SPATA17: variants seen among roughly 807,000 people sequenced by gnomAD.
SPATA17 encodes the protein spermatogenesis associated 17, also known as spermatogenesis-associated protein 17.
In SPATA17, 53 loss-of-function variants were observed where a neutral mutation model predicts 62.2. The observed-to-expected ratio is 0.85, with a 90% CI of 0.68 to 1.07. SPATA17 has a LOEUF of 1.07. SPATA17 is among the 50% of genes least tolerant of loss of function. The probability of loss-of-function intolerance (pLI) is 0.00; values close to 1 mark genes in which losing one functional copy is unlikely to be tolerated. For synonymous variants in SPATA17, 146 were observed against 146.8 expected, an observed-to-expected ratio of 0.99 and a Z score of 0.04; for missense variants, 466 against 425.5, an observed-to-expected ratio of 1.10 and a Z score of -0.84.
chr1:217,861,605 TG>T (rs1007795937), intron 9 of SPATA17, among the ~76,000 whole-genome samples: 3 of 152,132 alleles, frequency 2.0e-5, no homozygotes, highest in Admixed American at 6.6e-5. Context: ...CCTCCAGAAT[TG>T]TAATTTGTAA....
At chr1:217,658,218 G>C (rs1327968275) in intron 3 of SPATA17, among the ~76,000 whole-genome samples, 1 of 152,158 alleles carries the variant, frequency 6.6e-6, no homozygotes, top group Non-Finnish European at 1.5e-5. Context: ...GGTCATGGGG[G>C]AGGATCCCTC....
chr1:217,637,834 T>C (rs1170165091), intron 1 of SPATA17, among the ~76,000 whole-genome samples: 3 of 152,206 alleles, frequency 2.0e-5, no homozygotes, highest in Non-Finnish European at 4.4e-5. Flanking sequence ...AGGAAGATTT[T>C]TGCCAAAGTG....
intron 3 of SPATA17, among the ~76,000 whole-genome samples, chr1:217,666,528 T>G (rs1670700581): frequency 6.7e-6 from 1 of 148,328 alleles, no homozygotes; most frequent in African/African-American, 2.6e-5. Context: ...TTACATGTGT[T>G]TTTTTTTTTA....
chr1:217,766,993 T>C (rs1309479226), intron 6 of SPATA17, among the ~76,000 whole-genome samples: 2 of 152,160 alleles, frequency 1.3e-5, no homozygotes, highest in Non-Finnish European at 2.9e-5. Flanking sequence ...GTGAAAACAC[T>C]GTGATATTTC....
chr1:217,832,480 G>T (rs1227911537), intron 9 of SPATA17, among the ~76,000 whole-genome samples: 2 of 152,062 alleles, frequency 1.3e-5, no homozygotes, highest in Non-Finnish European at 2.9e-5. Flanking sequence ...ACATTAATTT[G>T]TCAGATTGGG....
intron 6 of SPATA17, among the ~76,000 whole-genome samples, chr1:217,767,429 A>G (rs758318068): frequency 6.6e-6 from 1 of 152,174 alleles, no homozygotes; most frequent in Admixed American, 6.5e-5. Context: ...GTAAATTCCC[A>G]GTCTTTCTTG....
intron 6 of SPATA17, among the ~76,000 whole-genome samples, chr1:217,755,803 ATCTGTATTGGTC>A (rs1673027890): frequency 6.6e-6 from 1 of 151,978 alleles, no homozygotes; most frequent in Admixed American, 6.6e-5. Context: ...ACTTACGATC[ATCTGTATTGGTC>A]TTAAACTCAC....
intron 5 of SPATA17, among the ~76,000 whole-genome samples, chr1:217,730,219 ATT>A (rs200764601): frequency 2.1e-4 from 30 of 142,058 alleles, no homozygotes; most frequent in African/African-American, 3.9e-4. Flanking sequence ...CAGTAAAGTG[ATT>A]TTTTTTTTTT....
chr1:217,762,751 C>G (rs1673201477), intron 6 of SPATA17, among the ~76,000 whole-genome samples: 1 of 152,194 alleles, frequency 6.6e-6, no homozygotes, highest in Non-Finnish European at 1.5e-5. Flanking sequence ...GCAGGCAGAT[C>G]ACCTGAGGTC....
At chr1:217,801,883 C>CGGCCGGGCGCGG in intron 9 of SPATA17, 33 bp downstream of exon 9, 1 of 1,570,018 alleles carries the variant, frequency 6.4e-7, no homozygotes. Context: ...AAAGTTATTC[C>CGGCCGGGCGCGG]TTTTTAAAAG....
At chr1:217,678,043 C>T (rs1305583913) in intron 4 of SPATA17, among the ~76,000 whole-genome samples, 2 of 151,948 alleles carry the variant, frequency 1.3e-5, no homozygotes, top group Non-Finnish European at 2.9e-5. Context: ...CATTTCTGTG[C>T]TCACTGTACA....
intron 5 of SPATA17, among the ~76,000 whole-genome samples, chr1:217,735,515 G>A (rs1188852303): frequency 6.6e-6 from 1 of 152,156 alleles, no homozygotes; most frequent in African/African-American, 2.4e-5. Flanking sequence ...GGGGGAACTC[G>A]AATATTCAGC....
At chr1:217,753,015 G>T (rs1039426668) in intron 6 of SPATA17, among the ~76,000 whole-genome samples, 1 of 152,120 alleles carries the variant, frequency 6.6e-6, no homozygotes, top group African/African-American at 2.4e-5. Context: ...CTTTTTCATA[G>T]CCTGATCTGA....
Position 217,742,076 on chromosome 1 carries a change from A to T in SPATA17, c.497A>T (p.His166Leu). 6.2e-7 allele frequency: 1 copy of T among 1,614,176 alleles called. No homozygotes were observed. Among genetic ancestry groups the T allele is most frequent in the Non-Finnish European group, 8.5e-7 (1 of 1,180,020 alleles). Residue 166 changes from histidine to leucine, a missense_variant, in exon 6 of 11, where the codon CAT becomes CTT. His to Leu is a moderately conservative substitution (Grantham distance 99, BLOSUM62 -3). Coordinates refer to ENST00000366933, the MANE Select transcript of SPATA17 (RefSeq NM_138796.4). ...KKRDYQARKMHYLLSTKQIPG... is the reference protein window; with the variant it reads ...KKRDYQARKMLYLLSTKQIPG... ...AGAGATTACCAAGCCCGAAAGATGCATTACCTCCTCAGCACAAAGCAGGTT... is the reference window on the plus strand; with the variant it reads ...AGAGATTACCAAGCCCGAAAGATGCTTTACCTCCTCAGCACAAAGCAGGTT...
At position 217,774,551 on chromosome 1, in the gene SPATA17, G is replaced by A. The variant is rs201068194; in HGVS notation, c.723+14G>A. 14 of 1,604,454 alleles carry A rather than the reference G, an allele frequency of 8.7e-6. No homozygotes were observed. Among genetic ancestry groups the A allele is most frequent in the African/African-American group, 1.3e-5 (1 of 74,686 alleles). On this transcript the variant is annotated intron_variant, in intron 7 of 10. Coordinates refer to ENST00000366933, the MANE Select transcript of SPATA17 (RefSeq NM_138796.4). ...AAGCAATGTCAGGTACTAGTTTGCTGTATAAGAATTCTGTCATTAATTTTA... is the reference window on the plus strand; with the variant it reads ...AAGCAATGTCAGGTACTAGTTTGCTATATAAGAATTCTGTCATTAATTTTA...
At chr1:217,649,157 A>C (rs1670252609) in intron 2 of SPATA17, among the ~76,000 whole-genome samples, 186 bp downstream of exon 2, 1 of 152,132 alleles carries the variant, frequency 6.6e-6, no homozygotes, top group Non-Finnish European at 1.5e-5. Flanking sequence ...ACCAAAACTA[A>C]ATTATATGGA....
At chr1:217,699,319 A>C (rs1332283519) in intron 5 of SPATA17, among the ~76,000 whole-genome samples, 1 of 152,152 alleles carries the variant, frequency 6.6e-6, no homozygotes, top group East Asian at 1.9e-4. Flanking sequence ...TTACATTCCC[A>C]CCAGGAATGT....
intron 5 of SPATA17, among the ~76,000 whole-genome samples, chr1:217,733,860 G>A (rs947223277): frequency 1.3e-5 from 2 of 152,232 alleles, no homozygotes; most frequent in East Asian, 1.9e-4. Flanking sequence ...AAACTCAGGC[G>A]CAACCTGAGT....
At chr1:217,797,251 CTTT>C (rs11360301) in intron 8 of SPATA17, among the ~76,000 whole-genome samples, 22 of 119,826 alleles carry the variant, frequency 1.8e-4, no homozygotes, top group Non-Finnish European at 2.5e-4. Context: ...TTCTTTCTTT[CTTT>C]TTTTTTTTTT....
Sources: gnomAD v4.1 joint callset for allele counts (sites outside exome capture counted in the v4.1 genomes callset) on GRCh38, gnomAD v4.1.1 for gene constraint, MANE v1.5 for transcripts, NCBI Gene and HGNC (gene_info 2026-07-23, HGNC 2026-07-21) for gene names.